SPEG: variants seen among roughly 807,000 people sequenced by gnomAD.
SPEG encodes the protein striated muscle preferentially expressed protein kinase.
In SPEG, 114 loss-of-function variants were observed where a neutral mutation model predicts 300.4. That is an observed-to-expected ratio of 0.38 (90% CI 0.33 to 0.44). SPEG has a LOEUF of 0.44. SPEG is among the 20% of genes least tolerant of loss of function. The probability of loss-of-function intolerance (pLI) is 1.00; values close to 1 mark genes in which losing one functional copy is unlikely to be tolerated. For synonymous variants in SPEG, 1,964 were observed against 2,018.9 expected (o/e 0.97, Z 0.73); for missense variants, 4,201 against 4,586.2 (o/e 0.92, Z 2.43).
Position 219,480,784 on chromosome 2 carries a change from C to T in SPEG, c.5369+87C>T, listed in dbSNP as rs887873776. On this transcript the variant is annotated intron_variant, in intron 26 of 40. Coordinates refer to ENST00000312358, the MANE Select transcript of SPEG (RefSeq NM_005876.5). The surrounding 1 kb of genome is among the most constrained non-coding windows in gnomAD (Gnocchi z 5.3). ...GGCTGCAGCCCACCCCCTTCTCTTC[C>T]GCACCCCCCACTCCTTCTTGCACTG... The T allele has an allele frequency of 2.1e-5, 26 of 1,253,940 alleles. No individual in the cohort carries two copies. The highest frequency in any genetic ancestry group is 2.8e-5 in the Non-Finnish European group (24 of 854,176). 77.7% of individuals were successfully genotyped at this position (1,253,940 alleles called of 1,614,324 possible). A position where few individuals can be genotyped will look rare whatever the true frequency, so the allele number is the denominator to read the frequency against.
At chr2:219,474,243 C>T (rs1050277092) in intron 18 of SPEG, 5 of 185,968 alleles carry the variant, frequency 2.7e-5, no homozygotes, top group Admixed American at 5.5e-5. Context: ...CTGGGTGTGG[C>T]GGCAGGTGCC....
chr2:219,465,869 G>GTGTGTGCGTGCGTGTGCA (rs1256100766), intron 9 of SPEG: 1 of 622,260 alleles, frequency 1.6e-6, no homozygotes, highest in East Asian at 2.8e-5. Context: ...ATGTGTGTGC[G>GTGTGTGCGTGCGTGTGCA]TGTGTGCGTG....
In SPEG at chr2:219,489,871, G is replaced by A. The variant is rs1693804771; in HGVS notation, c.8853G>A (p.Arg2951=). ...SPGSSPRSSP[R]PEGTTLRQGP... is the part of the protein sequence containing the mutation. ...GGAGCAGTCCCCGAAGCTCTCCCAG[G>A]CCTGAGGGTACCACTCTTCGACAGG... Residue 2951 remains arginine (R), a synonymous_variant, in exon 36 of 41, where the codon AGG becomes AGA. Transcript: ENST00000312358. 5.0e-6 allele frequency: 8 copies of A among 1,609,398 alleles called. No homozygotes were observed. The highest frequency in any genetic ancestry group is 6.8e-6 in the Non-Finnish European group (8 of 1,176,848).
Position 219,473,215 on chromosome 2 carries a change from G to A in SPEG, c.4147+119G>A, listed in dbSNP as rs959161109. 6.8e-6 allele frequency: 7 copies of A among 1,025,746 alleles called. No homozygotes were observed. The highest frequency in any genetic ancestry group is 1.6e-5 in the South Asian group (1 of 64,166). 63.5% of individuals were successfully genotyped at this position (1,025,746 alleles called of 1,614,324 possible). ...GGTAACTGGCAGGAGCAGCCTAGCCGGGCGGGACCTTGGCCCATCTGTACA... is the reference window on the plus strand; with the variant it reads ...GGTAACTGGCAGGAGCAGCCTAGCCAGGCGGGACCTTGGCCCATCTGTACA... On this transcript the variant is annotated intron_variant, in intron 16 of 40. Transcript: ENST00000312358. This position sits in a 1 kb window ranked among gnomAD's most constrained non-coding sequence, Gnocchi z 4.6.
Position 219,469,475 on chromosome 2 carries a change from T to C in SPEG, c.3715+96T>C, listed in dbSNP as rs1373413105. 12 of 1,011,538 alleles carry C rather than the reference T, an allele frequency of 1.2e-5. No homozygotes were observed. In the South Asian group the frequency reaches 1.9e-4, roughly 16 times the overall value. The allele number at this position is 1,011,538 out of a possible 1,614,324, so 62.7% of individuals were successfully genotyped here. On this transcript the variant is annotated intron_variant, in intron 13 of 40. Coordinates refer to ENST00000312358, the MANE Select transcript of SPEG (RefSeq NM_005876.5). ...TCCCCAGCTCTCCCCAGGCCTTTCCTCTGTAGCCTGACCAGGGACAGGGTG... is the reference window on the plus strand; with the variant it reads ...TCCCCAGCTCTCCCCAGGCCTTTCCCCTGTAGCCTGACCAGGGACAGGGTG...
chr2:219,480,541 C>T lies in SPEG; in HGVS notation c.5343-130C>T, dbSNP rs1438935038. ...CAGGGTCCTCCCTGAAGAAGCCACT[C>T]CTGTGCCCATTGTCCATGGCAGTGT... On this transcript the variant is annotated intron_variant, in intron 25 of 40. Coordinates refer to ENST00000312358, the MANE Select transcript of SPEG (RefSeq NM_005876.5). This position sits in a 1 kb window ranked among gnomAD's most constrained non-coding sequence, Gnocchi z 5.3. 1.1e-6 allele frequency: 1 copy of T among 932,142 alleles called. No homozygotes were observed. The highest frequency in any genetic ancestry group is 1.8e-6 in the Non-Finnish European group (1 of 571,250). The allele number at this position is 932,142 out of a possible 1,614,324, so 57.7% of individuals were successfully genotyped here. A position where few individuals can be genotyped will look rare whatever the true frequency, so the allele number is the denominator to read the frequency against.
At position 219,444,737 on chromosome 2, in the gene SPEG, C is replaced by G. The variant is rs757207967; in HGVS notation, c.473C>G (p.Pro158Arg). ...ELRDDGAFST[P>R]TGGSDTLVGT... The stretch of plus-strand genomic sequence containing the variant: ...CGGGATGACGGGGCCTTCAGCACCC[C>G]CACGGGTGAGCTCCTGGGGTGTACA... Residue 158 changes from proline to arginine, a missense_variant, in exon 2 of 41, where the codon CCC becomes CGC. Around this residue, in one of 4 missense-constraint regions of SPEG, gnomAD observed 1,258 missense variants for 1,293.9 expected, o/e 0.97. Coordinates refer to ENST00000312358, the MANE Select transcript of SPEG (RefSeq NM_005876.5). This position sits in a 1 kb window ranked among gnomAD's most constrained non-coding sequence, Gnocchi z 7.8. 19 of 1,613,826 alleles carry G rather than the reference C, an allele frequency of 1.2e-5. No homozygotes were observed. Among genetic ancestry groups the G allele is most frequent in the Non-Finnish European group, 1.5e-5 (18 of 1,179,934 alleles).
At chr2:219,461,010 C>T (rs367881574) in intron 6 of SPEG, 5 of 981,542 alleles carry the variant, frequency 5.1e-6, no homozygotes, top group East Asian at 2.3e-4. Context: ...AGTTGGGGTA[C>T]AGCCCTGCTG....
chr2:219,473,537 A>G lies in SPEG; in HGVS notation c.4181A>G (p.Asp1394Gly), dbSNP rs1012176876. The G allele has an allele frequency of 2.4e-5, 38 of 1,614,006 alleles. No homozygotes were observed. The highest frequency in any genetic ancestry group is 3.1e-5 in the Non-Finnish European group (36 of 1,180,038). ...CTGGAGGAGGCCCCTGCCATGCTGG[A>G]CAAACCAGACATCGTGTATGTGGTG... ...PTLEEAPAML[D>G]KPDIVYVVEG... The change falls in exon 17 of 41, where the codon GAC becomes GGC. Residue 1394 changes from aspartate (D) to glycine (G), a missense_variant. Asp to Gly is a moderately conservative substitution (Grantham distance 94). Around this residue, in one of 4 missense-constraint regions of SPEG, gnomAD observed 1,047 missense variants for 1,356.8 expected, o/e 0.77. Coordinates refer to ENST00000312358, the MANE Select transcript of SPEG (RefSeq NM_005876.5). This position sits in a 1 kb window ranked among gnomAD's most constrained non-coding sequence, Gnocchi z 4.6.
At chr2:219,476,343 G>T (rs76240204) in intron 18 of SPEG, among the ~76,000 whole-genome samples, 5,333 of 152,236 alleles carry the variant, frequency 0.035, 303 homozygotes, top group African/African-American at 0.12. Context: ...TGCCATCCAT[G>T]AGCTTAATTC....
At chr2:219,462,532 A>C in intron 8 of SPEG, 146 bp downstream of exon 8, 1 of 635,642 alleles carries the variant, frequency 1.6e-6, no homozygotes, top group Non-Finnish European at 2.7e-6. Context: ...ACAGCAGTGT[A>C]CTCCCCCCGG....
Position 219,483,902 on chromosome 2 carries a change from G to A in SPEG, c.6439G>A (p.Ala2147Thr). 2 of 1,601,330 alleles carry A rather than the reference G, an allele frequency of 1.2e-6. No homozygotes were observed. Among genetic ancestry groups the A allele is most frequent in the Non-Finnish European group, 8.5e-7 (1 of 1,178,726 alleles). ...EPRGRHRRAG[A>T]PLEIPVARLG... ...CCGGGGCCGGCACCGCCGAGCGGGG[G>A]CGCCCCTCGAGATCCCCGTGGCCAG... Residue 2147 changes from alanine (A) to threonine (T), a missense_variant, in exon 30 of 41, where the codon GCG becomes ACG. Transcript: ENST00000312358.
rs925570785 is a variant in SPEG, at chr2:219,473,880, G to A, written c.4424G>A (p.Cys1475Tyr). The A allele has an allele frequency of 3.7e-6, 6 of 1,612,074 alleles. No homozygotes were observed. The highest frequency in any genetic ancestry group is 5.1e-6 in the Non-Finnish European group (6 of 1,179,338). ...TARNRHGTQT[C>Y]SVTLELAEAP... is the part of the protein sequence containing the mutation. Reference sequence around the variant, plus strand: ...CGAAACCGTCACGGCACACAGACCTGCTCGGTCACATTGGAGCTGGCAGGT... The same window carrying A: ...CGAAACCGTCACGGCACACAGACCTACTCGGTCACATTGGAGCTGGCAGGT... Residue 1475 changes from cysteine (C) to tyrosine (Y), a missense_variant, in exon 18 of 41, where the codon TGC becomes TAC. Physicochemically the swap from Cys to Tyr is radical, Grantham distance 194. Around this residue, in one of 4 missense-constraint regions of SPEG, gnomAD observed 1,047 missense variants for 1,356.8 expected, o/e 0.77. Transcript: ENST00000312358. This position sits in a 1 kb window ranked among gnomAD's most constrained non-coding sequence, Gnocchi z 4.6.
chr2:219,472,015 G>A, intron 14 of SPEG, 28 bp downstream of exon 14: 2 of 1,606,848 alleles, frequency 1.2e-6, no homozygotes, highest in South Asian at 1.1e-5. Flanking sequence ...GTGGTCAGCT[G>A]CACGCACAGC....
chr2:219,466,278 G>A, intron 9 of SPEG: 1 of 1,426,990 alleles, frequency 7.0e-7, no homozygotes, highest in Admixed American at 3.1e-5. Flanking sequence ...TGGACACATG[G>A]CTGTGCAGGC....
intron 3 of SPEG, among the ~76,000 whole-genome samples, chr2:219,447,239 G>A (rs1442505085): frequency 1.3e-5 from 2 of 151,576 alleles, no homozygotes; most frequent in Non-Finnish European, 2.9e-5. Context: ...GTACTTCTCA[G>A]GGGGGATTTC....
At position 219,439,402 on chromosome 2, in the gene SPEG, A is replaced by G. The variant is rs558476693; in HGVS notation, c.388+4037A>G. On this transcript the variant is annotated intron_variant, in intron 1 of 40. Transcript: ENST00000312358. The surrounding 1 kb of genome is among the most constrained non-coding windows in gnomAD (Gnocchi z 4.5). ...ACAGACAATACACAATAAACATAGT[A>G]AATAGGTAAATTACACAGTATGTCA... Among the ~76,000 whole-genome samples the G allele has an allele frequency of 6.6e-6, 1 of 152,334 alleles. No homozygotes were observed. The highest frequency in any genetic ancestry group is 1.9e-4 in the East Asian group (1 of 5,188).
At position 219,483,240 on chromosome 2, in the gene SPEG, AGGAAGAGCT is replaced by A. The variant is rs1308921194; in HGVS notation, c.5788_5796del (p.Glu1930_Leu1932del). The A allele has an allele frequency of 2.5e-6, 4 of 1,610,910 alleles. No individual in the cohort carries two copies. The highest frequency in any genetic ancestry group is 1.1e-5 in the South Asian group (1 of 90,682). On this transcript the variant is annotated inframe_deletion, in exon 30 of 41. Coordinates refer to ENST00000312358, the MANE Select transcript of SPEG (RefSeq NM_005876.5). ...CTCTCATCCTCCTCGGATTCTGAAG[AGGAAGAGCT>A]GGAAGAGCTGCCCTCAGTGCCCCGC...
At position 219,448,554 on chromosome 2, in the gene SPEG, C is replaced by T; in HGVS notation, c.1396C>T (p.Arg466Trp). Residue 466 changes from arginine (R) to tryptophan (W), a missense_variant, in exon 4 of 41, where the codon CGG becomes TGG. Arg to Trp is a moderately radical substitution (Grantham distance 101, BLOSUM62 -3). Around this residue, in one of 4 missense-constraint regions of SPEG, gnomAD observed 1,258 missense variants for 1,293.9 expected, o/e 0.97. Transcript: ENST00000312358. ...GCGGGCGCCAGGCAGCGTGGCCGAGCGGCGCCGCCTGTTCCAGCAGAAAGC... is the reference window on the plus strand; with the variant it reads ...GCGGGCGCCAGGCAGCGTGGCCGAGTGGCGCCGCCTGTTCCAGCAGAAAGC... ...ELRAPGSVAE[R>W]RRLFQQKAAS... 6.9e-7 allele frequency: 1 copy of T among 1,444,778 alleles called. No individual in the cohort carries two copies. Among genetic ancestry groups the T allele is most frequent in the Non-Finnish European group, 9.0e-7 (1 of 1,108,216 alleles). 89.5% of individuals were successfully genotyped at this position (1,444,778 alleles called of 1,614,324 possible). A position where few individuals can be genotyped will look rare whatever the true frequency, so the allele number is the denominator to read the frequency against.
Sources: allele counts gnomAD v4.1 joint callset (sites outside exome capture counted in the v4.1 genomes callset), GRCh38; gene constraint gnomAD v4.1.1; regional missense constraint gnomAD v4.1.1; non-coding constraint Gnocchi (gnomAD v3.1); transcripts MANE v1.5; gene names NCBI Gene and HGNC (gene_info 2026-07-23, HGNC 2026-07-21).